PLCG2: variants seen among roughly 807,000 people sequenced by gnomAD.
The protein encoded by PLCG2 is 1-phosphatidylinositol 4,5-bisphosphate phosphodiesterase gamma-2.
In PLCG2, 69 loss-of-function variants were observed where a neutral mutation model predicts 175.6. The observed-to-expected ratio is 0.39, with a 90% CI of 0.32 to 0.48. The LOEUF is 0.48. Ranked by LOEUF, PLCG2 falls within the 20% of genes least tolerant of loss-of-function variation. PLCG2 has a pLI of 0.91. For missense variants in PLCG2, 1,798 were observed against 1,650.9 expected (o/e 1.09, Z -1.54); for synonymous variants, 827 against 624.0 (o/e 1.33, Z -4.85).
intron 9 of PLCG2, among the ~76,000 whole-genome samples, chr16:81,888,580 A>C (rs1908484573): frequency 6.6e-6 from 1 of 152,194 alleles, no homozygotes; most frequent in African/African-American, 2.4e-5. Flanking sequence ...TGTACATTTC[A>C]TACAATGCTT....
chr16:81,854,487 C>T lies in PLCG2; in HGVS notation c.237C>T (p.Ser79=). ...EIKEIRPGKN[S]KDFERAKAVR... ...AAGAAATCCGCCCAGGGAAGAACTC[C>T]AAAGATTTCGAGCGAGCAAAAGCAG... The change falls in exon 3 of 33, where the codon TCC becomes TCT. Residue 79 remains serine, a synonymous_variant. Coordinates refer to ENST00000564138, the MANE Select transcript of PLCG2 (RefSeq NM_002661.5). 6.2e-7 allele frequency: 1 copy of T among 1,613,988 alleles called. No homozygotes were observed. Among genetic ancestry groups the T allele is most frequent in the Admixed American group, 1.7e-5 (1 of 60,030 alleles).
Position 81,929,138 on chromosome 16 carries a change from G to A in PLCG2, c.2581+514G>A, listed in dbSNP as rs1428086664. Among the ~76,000 whole-genome samples, 4 of 152,332 alleles carry A rather than the reference G, an allele frequency of 2.6e-5. No homozygotes were observed. The East Asian group carries it at 5.8e-4, about 22-fold the overall frequency. The stretch of plus-strand genomic sequence containing the variant: ...CCATGCTGCAACGGGATGTGAAGGC[G>A]TGGCCCCAAGGCTAGGCTTGTCCAG... On this transcript the variant is annotated intron_variant, in intron 24 of 32. Transcript: ENST00000564138.
intron 2 of PLCG2, among the ~76,000 whole-genome samples, chr16:81,772,061 G>A (rs982924821): frequency 7.2e-5 from 11 of 152,194 alleles, no homozygotes; most frequent in African/African-American, 2.2e-4. Context: ...GGGATTACAG[G>A]TGTGAGCCAC....
Position 81,958,357 on chromosome 16 carries a change from A to G in PLCG2, c.*359A>G, listed in dbSNP as rs1911658429. 1 of 267,298 alleles carries G rather than the reference A, an allele frequency of 3.7e-6. No homozygotes were observed. The highest frequency in any genetic ancestry group is 2.1e-5 in the African/African-American group (1 of 46,536). 16.6% of individuals were successfully genotyped at this position (267,298 alleles called of 1,614,324 possible). On this transcript the variant is annotated 3_prime_UTR_variant, in exon 33 of 33. Coordinates refer to ENST00000564138, the MANE Select transcript of PLCG2 (RefSeq NM_002661.5). ...CAGGATTTCTTTTCTGGCCAAGAAG[A>G]TTCTACCTCTAATGATCCAGGTAAC...
At chr16:81,885,499 T>C (rs1908316593) in intron 9 of PLCG2, among the ~76,000 whole-genome samples, 1 of 152,240 alleles carries the variant, frequency 6.6e-6, no homozygotes, top group Non-Finnish European at 1.5e-5. Context: ...CTTCTAACTT[T>C]ACACTCCTGT....
chr16:81,873,294 C>T (rs1029852532), intron 7 of PLCG2, among the ~76,000 whole-genome samples: 9 of 152,144 alleles, frequency 5.9e-5, no homozygotes, highest in African/African-American at 1.7e-4. Flanking sequence ...ATCCCCTCTC[C>T]TTTAGACAGG....
chr16:81,926,995 T>G (rs1910300726), intron 22 of PLCG2, 87 bp from the exon 23 acceptor site: 2 of 830,098 alleles, frequency 2.4e-6, no homozygotes, highest in Admixed American at 3.6e-5. Flanking sequence ...CCATCAGAAT[T>G]GAGCCAGCAG....
At chr16:81,935,837 A>G in intron 26 of PLCG2, 1 of 985,238 alleles carries the variant, frequency 1.0e-6, no homozygotes, top group Non-Finnish European at 1.2e-6. Flanking sequence ...TCTCCTACCC[A>G]AAACCATTCC....
intron 31 of PLCG2, among the ~76,000 whole-genome samples, chr16:81,952,856 CAA>C (rs1263218650): frequency 3.3e-5 from 5 of 152,098 alleles, no homozygotes; most frequent in African/African-American, 1.2e-4. Flanking sequence ...TCCATTGTCC[CAA>C]AAGTGTCTTC....
intron 19 of PLCG2, among the ~76,000 whole-genome samples, chr16:81,913,706 C>T (rs1235973851): frequency 4.6e-5 from 7 of 152,224 alleles, no homozygotes; most frequent in East Asian, 1.9e-4. Flanking sequence ...CACATGGGCG[C>T]GGTGGTGCTG....
chr16:81,793,946 A>G (rs74523236), intron 2 of PLCG2, among the ~76,000 whole-genome samples: 28,830 of 152,222 alleles, frequency 0.19, 3,086 homozygotes, highest in Non-Finnish European at 0.25. Flanking sequence ...TTCTTCTCCT[A>G]AATGATCTCA....
intron 2 of PLCG2, among the ~76,000 whole-genome samples, chr16:81,802,344 C>T (rs756738092): frequency 6.6e-6 from 1 of 150,600 alleles, no homozygotes; most frequent in Admixed American, 6.6e-5. Flanking sequence ...GATCTCCTGA[C>T]CTCGTGATCC....
intron 1 of PLCG2, among the ~76,000 whole-genome samples, chr16:81,741,698 C>A (rs1473401551): frequency 6.6e-6 from 1 of 152,054 alleles, no homozygotes; most frequent in African/African-American, 2.4e-5. Flanking sequence ...TAGTCCCCAG[C>A]TCCTTGGGAG....
intron 5 of PLCG2, among the ~76,000 whole-genome samples, chr16:81,861,585 G>T (rs1397073840): frequency 2.6e-5 from 4 of 152,192 alleles, no homozygotes; most frequent in Non-Finnish European, 4.4e-5. Flanking sequence ...ACCCTCTCGT[G>T]TTACTGAGGT....
At position 81,807,766 on chromosome 16, in the gene PLCG2, G is replaced by A. The variant is rs191315533; in HGVS notation, c.193+21584G>A. ...GACTCACAGTTCAGCATGGCTGGAG[G>A]GGCCCCAGGAAGCTTACAATCATGG... On this transcript the variant is annotated intron_variant, in intron 2 of 32. Coordinates refer to ENST00000564138, the MANE Select transcript of PLCG2 (RefSeq NM_002661.5). Among the ~76,000 whole-genome samples, 12 of 152,268 alleles carry A rather than the reference G, an allele frequency of 7.9e-5. No homozygotes were observed. The East Asian group carries it at 2.1e-3, about 27-fold the overall frequency.
At chr16:81,762,561 T>C (rs1910063718) in intron 2 of PLCG2, among the ~76,000 whole-genome samples, 2 of 150,108 alleles carry the variant, frequency 1.3e-5, no homozygotes, top group African/African-American at 2.5e-5. Flanking sequence ...AGAGTGAGAC[T>C]CCGTCTCAAA....
chr16:81,868,900 C>T (rs956624638), intron 5 of PLCG2, among the ~76,000 whole-genome samples: 16 of 152,180 alleles, frequency 1.1e-4, no homozygotes, highest in African/African-American at 3.1e-4. Flanking sequence ...CATCACTGTA[C>T]GCTATAAATC....
intron 5 of PLCG2, among the ~76,000 whole-genome samples, chr16:81,861,034 G>GA (rs957746606): frequency 2.6e-5 from 4 of 151,788 alleles, no homozygotes; most frequent in African/African-American, 9.7e-5. Flanking sequence ...ACCACGACAA[G>GA]AAAAAACCAA....
At chr16:81,883,663 C>T (rs1360769173) in intron 9 of PLCG2, 2 of 368,480 alleles carry the variant, frequency 5.4e-6, no homozygotes, top group East Asian at 5.9e-5. Flanking sequence ...CCTCACCTGG[C>T]TGGGTGCACC....
Sources: gnomAD v4.1 joint callset for allele counts (sites outside exome capture counted in the v4.1 genomes callset) on GRCh38, gnomAD v4.1.1 for gene constraint, MANE v1.5 for transcripts, NCBI Gene and HGNC (gene_info 2026-07-23, HGNC 2026-07-21) for gene names.